The following CTNNA3 variants were observed in gnomAD, a reference collection of about 807,000 sequenced individuals.
The protein encoded by CTNNA3 is catenin alpha-3.
Under a neutral mutation model 95.7 loss-of-function variants are expected in CTNNA3, and 76 were observed. That is an observed-to-expected ratio of 0.79 (90% CI 0.66 to 0.96). The LOEUF is 0.96. CTNNA3 is among the 40% of genes least tolerant of loss of function. The pLI, the probability that CTNNA3 is intolerant of heterozygous loss-of-function variation, is 0.00. For synonymous variants in CTNNA3, 431 were observed against 374.4 expected, an observed-to-expected ratio of 1.15 and a Z score of -1.74; for missense variants, 1,191 against 1,089.8, an observed-to-expected ratio of 1.09 and a Z score of -1.31.
At chr10:66,470,122 G>A (rs2131871630) in intron 11 of CTNNA3, among the ~76,000 whole-genome samples, 1 of 151,852 alleles carries the variant, frequency 6.6e-6, no homozygotes, top group South Asian at 2.1e-4. Flanking sequence ...AGAGTAAGCT[G>A]GAAACATGGG....
rs1384101478 is a variant in CTNNA3 at position 67,393,059 on chromosome 10, TA to T, written c.579+128782del. Among the ~76,000 whole-genome samples, 262 of 141,312 alleles carry T rather than the reference TA, an allele frequency of 1.9e-3. 1 individual carries two copies. Among genetic ancestry groups the T allele is most frequent in the African/African-American group, 4.6e-3 (166 of 36,076 alleles). 92.7% of individuals were successfully genotyped at this position (141,312 alleles called of 152,430 possible). On this transcript the variant is annotated intron_variant, in intron 5 of 17. Transcript: ENST00000433211. Reference sequence around the variant, plus strand: ...TACCCTAAAACTTAAAGTATAATAATAAAAAAAAAATAAATAAAAATAAAAA... The same window carrying T: ...TACCCTAAAACTTAAAGTATAATAATAAAAAAAAATAAATAAAAATAAAAA...
intron 2 of CTNNA3, among the ~76,000 whole-genome samples, chr10:67,624,720 C>T (rs1448962610): frequency 4.6e-5 from 7 of 152,138 alleles, no homozygotes. Context: ...AACACAGGAC[C>T]TGATAGGTGA....
intron 7 of CTNNA3, among the ~76,000 whole-genome samples, chr10:66,957,855 A>C (rs1296404580): frequency 6.6e-6 from 1 of 152,062 alleles, no homozygotes; most frequent in Admixed American, 6.6e-5. Flanking sequence ...GAAGGGAGCC[A>C]GAGAAATTAG....
intron 5 of CTNNA3, among the ~76,000 whole-genome samples, chr10:67,458,173 C>G (rs2132983868): frequency 6.6e-6 from 1 of 152,218 alleles, no homozygotes; most frequent in Middle Eastern, 3.4e-3. Context: ...AAATCTTCCT[C>G]TAATAAATCT....
In CTNNA3 at chr10:66,292,156, G is replaced by A. The variant is rs1387779406; in HGVS notation, c.1733-11535C>T. ...TAAACACATATGTTTCGTATCATCA[G>A]TTTCTCCCACCAAATTTACTCTTCT... On this transcript the variant is annotated intron_variant, in intron 12 of 17. Transcript: ENST00000433211. Among the ~76,000 whole-genome samples the A allele has an allele frequency of 3.3e-5, 5 of 151,484 alleles. No homozygotes were observed. The East Asian group carries it at 9.7e-4, about 29-fold the overall frequency.
intron 5 of CTNNA3, among the ~76,000 whole-genome samples, chr10:67,281,021 C>T (rs1374101451): frequency 1.3e-5 from 2 of 151,996 alleles, no homozygotes; most frequent in Admixed American, 6.6e-5. Flanking sequence ...CCCCACAAAA[C>T]ACAGCAATTC....
chr10:66,623,646 A>T (rs1338917664), intron 9 of CTNNA3, among the ~76,000 whole-genome samples: 1 of 152,144 alleles, frequency 6.6e-6, no homozygotes, highest in African/African-American at 2.4e-5. Context: ...TTTTGTCTTC[A>T]TGTATTCTAT....
intron 14 of CTNNA3, among the ~76,000 whole-genome samples, chr10:66,088,763 C>T (rs369456088): frequency 1.3e-5 from 2 of 151,860 alleles, no homozygotes; most frequent in Admixed American, 1.3e-4. Flanking sequence ...AAATGTTATC[C>T]GAATATAGTA....
At chr10:66,601,981 A>T (rs944767559) in intron 10 of CTNNA3, among the ~76,000 whole-genome samples, 5 of 151,968 alleles carry the variant, frequency 3.3e-5, no homozygotes, top group African/African-American at 1.2e-4. Context: ...ATTAGGATGT[A>T]GGGGACACTA....
chr10:66,592,493 T>C (rs1303334523), intron 10 of CTNNA3, among the ~76,000 whole-genome samples: 4 of 152,102 alleles, frequency 2.6e-5, no homozygotes, highest in Admixed American at 6.6e-5. Context: ...AAATATATAA[T>C]TGAAGACCAC....
intron 2 of CTNNA3, among the ~76,000 whole-genome samples, chr10:67,610,362 C>G (rs1843418310): frequency 6.6e-6 from 1 of 152,206 alleles, no homozygotes; most frequent in African/African-American, 2.4e-5. Flanking sequence ...AAGTTATTCA[C>G]TTTTATAAGT....
At chr10:66,949,913 C>A (rs1456735759) in intron 7 of CTNNA3, among the ~76,000 whole-genome samples, 1 of 152,170 alleles carries the variant, frequency 6.6e-6, no homozygotes, top group Admixed American at 6.6e-5. Context: ...TTCAGAATCA[C>A]GGGCCTAAAG....
chr10:67,472,977 T>TG (rs1485890346), intron 5 of CTNNA3, among the ~76,000 whole-genome samples: 1 of 152,244 alleles, frequency 6.6e-6, no homozygotes, highest in Non-Finnish European at 1.5e-5. Context: ...ACATGTTTAC[T>TG]GAATTATCAC....
intron 11 of CTNNA3, among the ~76,000 whole-genome samples, chr10:66,435,048 A>G (rs2093327135): frequency 6.6e-6 from 1 of 150,978 alleles, no homozygotes; most frequent in Non-Finnish European, 1.5e-5. Context: ...TCAGTTTTCC[A>G]GTATTTTATT....
At chr10:66,608,700 G>A (rs1359073015) in intron 10 of CTNNA3, among the ~76,000 whole-genome samples, 2 of 152,052 alleles carry the variant, frequency 1.3e-5, no homozygotes, top group Non-Finnish European at 2.9e-5. Context: ...AGGATTCCCT[G>A]TTCAATAAAT....
intron 11 of CTNNA3, among the ~76,000 whole-genome samples, chr10:66,469,414 A>T (rs1321334181): frequency 1.3e-5 from 2 of 151,838 alleles, no homozygotes; most frequent in Admixed American, 1.3e-4. Context: ...GAAGTAAATG[A>T]TTTTTTTCGC....
chr10:66,018,778 G>C (rs2079144003), intron 15 of CTNNA3, among the ~76,000 whole-genome samples: 1 of 151,980 alleles, frequency 6.6e-6, no homozygotes, highest in South Asian at 2.1e-4. Flanking sequence ...CTTTTTAGTT[G>C]TTAGATATCA....
chr10:66,597,537 TATATATATATATATA>T (rs1564557973), intron 10 of CTNNA3, among the ~76,000 whole-genome samples: 1 of 136,912 alleles, frequency 7.3e-6, no homozygotes, highest in African/African-American at 2.6e-5. Flanking sequence ...TATATATATA[TATATATATATATATA>T]TATTTATTAA....
intron 13 of CTNNA3, among the ~76,000 whole-genome samples, chr10:66,228,750 C>A (rs1209410344): frequency 6.6e-6 from 1 of 152,004 alleles, no homozygotes; most frequent in Non-Finnish European, 1.5e-5. Context: ...TTGCTGAAGT[C>A]CCCGACTATT....
Sources: gnomAD v4.1 joint callset for allele counts (sites outside exome capture counted in the v4.1 genomes callset) on GRCh38, gnomAD v4.1.1 for gene constraint, MANE v1.5 for transcripts, NCBI Gene and HGNC (gene_info 2026-07-23, HGNC 2026-07-21) for gene names.